The following GABRR1 variants were observed in gnomAD, a reference collection of about 807,000 sequenced individuals.
GABRR1 encodes gamma-aminobutyric acid type A receptor subunit rho1.
Under a neutral mutation model 55.5 loss-of-function variants are expected in GABRR1, and 59 were observed. The ratio of observed to expected loss-of-function variants is 1.06; its 90% confidence interval spans 0.86 to 1.32. GABRR1 has a LOEUF of 1.32. Among genes scored for constraint, GABRR1 ranks in the 40% most tolerant of loss-of-function variants. The probability of loss-of-function intolerance (pLI) is 0.00; values close to 1 mark genes in which losing one functional copy is unlikely to be tolerated. For synonymous variants in GABRR1, 213 were observed against 226.0 expected (o/e 0.94, Z 0.51); for missense variants, 602 against 619.1 (o/e 0.97, Z 0.29).
At chr6:89,185,560 G>T in intron 6 of GABRR1, 110 bp from the exon 7 acceptor site, 2 of 914,390 alleles carry the variant, frequency 2.2e-6, no homozygotes, top group Non-Finnish European at 3.4e-6. Flanking sequence ...CTGGGATTGT[G>T]ATATGATAGT....
At chr6:89,229,989 C>T (rs1330885473) in intron 1 of GABRR1, among the ~76,000 whole-genome samples, 1 of 97,600 alleles carries the variant, frequency 1.0e-5, no homozygotes, top group African/African-American at 4.1e-5. Context: ...TCTAAACTTC[C>T]CTTCTCGCTT....
intron 6 of GABRR1, among the ~76,000 whole-genome samples, 181 bp from the exon 7 acceptor site, chr6:89,185,631 A>G (rs1288138498): frequency 6.6e-6 from 1 of 152,194 alleles, no homozygotes; most frequent in Non-Finnish European, 1.5e-5. Flanking sequence ...AAATCTAATT[A>G]TCTCCACTCT....
intron 1 of GABRR1, among the ~76,000 whole-genome samples, chr6:89,204,999 A>G (rs1760595171): frequency 6.6e-6 from 1 of 152,168 alleles, no homozygotes; most frequent in Non-Finnish European, 1.5e-5. Flanking sequence ...ATTAATCTTG[A>G]AATGATGTAT....
chr6:89,205,085 T>C (rs1041536254), intron 1 of GABRR1, among the ~76,000 whole-genome samples: 1 of 152,186 alleles, frequency 6.6e-6, no homozygotes, highest in South Asian at 2.1e-4. Flanking sequence ...CTAACTCCTG[T>C]TGCATGTGTT....
Position 89,198,031 on chromosome 6 carries a change from G to C in GABRR1, c.561C>G (p.Leu187=), listed in dbSNP as rs996918024. The change falls in exon 5 of 10, where the codon CTC becomes CTG. Residue 187 remains leucine (L), a synonymous_variant. Coordinates refer to ENST00000454853, the MANE Select transcript of GABRR1 (RefSeq NM_002042.5). ...GCCTTTCTTCCTACCTGAGACTATA[G>C]AGCACTTTCCCATCAGGCTGGACCC... ...MLRVQPDGKV[L]YSLRVTVTAM... is the part of the protein sequence containing the mutation. The C allele has an allele frequency of 2.5e-6, 4 of 1,613,492 alleles. No homozygotes were observed. Among genetic ancestry groups the C allele is most frequent in the African/African-American group, 2.7e-5 (2 of 74,904 alleles).
At position 89,196,851 on chromosome 6, in the gene GABRR1, G is replaced by GAAAGAAAGAAAGAAAGAAA. The variant is rs1554190862; in HGVS notation, c.572+1150_572+1168dup. ...AGAAAGAAAGAAAGAAAGAAAGAAAGAAAGAAAGAAAGAAAGAAAGAAAGA... is the reference window on the plus strand; with the variant it reads ...AGAAAGAAAGAAAGAAAGAAAGAAAGAAAGAAAGAAAGAAAGAAAAAAGAAAGAAAGAAAGAAAGAAAGA... On this transcript the variant is annotated intron_variant, in intron 5 of 9. Transcript: ENST00000454853. 3.0e-3 allele frequency among the ~76,000 whole-genome samples: 402 copies of GAAAGAAAGAAAGAAAGAAA among 132,808 alleles called. 2 individuals are homozygous for GAAAGAAAGAAAGAAAGAAA. Among genetic ancestry groups the GAAAGAAAGAAAGAAAGAAA allele is most frequent in the African/African-American group, 0.011 (387 of 34,886 alleles). 87.1% of individuals were successfully genotyped at this position (132,808 alleles called of 152,430 possible). A position where few individuals can be genotyped will look rare whatever the true frequency, so the allele number is the denominator to read the frequency against.
At chr6:89,225,420 C>A (rs576275292) in intron 1 of GABRR1, among the ~76,000 whole-genome samples, 36 of 113,850 alleles carry the variant, frequency 3.2e-4, no homozygotes, top group Admixed American at 1.4e-3. Flanking sequence ...CCCCCTCCCC[C>A]CACCCCACCA....
chr6:89,204,686 G>A lies in GABRR1; in HGVS notation c.123-1201C>T, dbSNP rs762739594. The A allele has an allele frequency of 1.0e-5, 13 of 1,286,438 alleles. No homozygotes were observed. The South Asian group carries it at 1.5e-4, about 15-fold the overall frequency. The allele number at this position is 1,286,438 out of a possible 1,614,324, so 79.7% of individuals were successfully genotyped here. ...ATGCCACTGCCTTTGCCTTCATGAA[G>A]CCTCGATTCTAGCCAAGAGAAGACG... On this transcript the variant is annotated intron_variant, in intron 1 of 9. Transcript: ENST00000454853.
chr6:89,221,483 A>C (rs1165060274), upstream of GABRR1: 1 of 152,240 alleles, frequency 6.6e-6, no homozygotes, highest in Non-Finnish European at 1.5e-5. Flanking sequence ...AATTCAAAAA[A>C]CTAATGTAGT....
At chr6:89,204,700 C>T in intron 1 of GABRR1, 1 of 1,266,730 alleles carries the variant, frequency 7.9e-7, no homozygotes, top group Non-Finnish European at 1.0e-6. Context: ...CGATTCTAGC[C>T]AAGAGAAGAC....
At position 89,178,736 on chromosome 6, in the gene GABRR1, C is replaced by T. The variant is rs757208275; in HGVS notation, c.*34G>A. 2 of 1,553,842 alleles carry T rather than the reference C, an allele frequency of 1.3e-6. No homozygotes were observed. Among genetic ancestry groups the T allele is most frequent in the Admixed American group, 3.3e-5 (2 of 59,714 alleles). On this transcript the variant is annotated 3_prime_UTR_variant, in exon 10 of 10. Coordinates refer to ENST00000454853, the MANE Select transcript of GABRR1 (RefSeq NM_002042.5). ...ATACAGTTATTTCTGTAGTGCATGC[C>T]ATGGAAATGTGAAATTTGTAGAATT...
intron 5 of GABRR1, among the ~76,000 whole-genome samples, chr6:89,192,564 CTTTTT>C (rs577439930): frequency 1.5e-5 from 2 of 130,382 alleles, no homozygotes; most frequent in Non-Finnish European, 3.2e-5. Flanking sequence ...TCTTCTTCTT[CTTTTT>C]TTTTTTTTTT....
chr6:89,182,041 G>T lies in GABRR1; in HGVS notation c.813C>A (p.Leu271=), dbSNP rs779636783. 2 of 1,614,002 alleles carry T rather than the reference G, an allele frequency of 1.2e-6. No individual in the cohort carries two copies. Among genetic ancestry groups the T allele is most frequent in the African/African-American group, 2.7e-5 (2 of 74,924 alleles). Residue 271 remains leucine, a synonymous_variant, in exon 8 of 10, where the codon CTC becomes CTA. Transcript: ENST00000454853. ...GGCGACGCAACGTGAAATTAATGTAGAGACGGTTGTACCAGCCTGGGGGAC... is the reference window on the plus strand; with the variant it reads ...GGCGACGCAACGTGAAATTAATGTATAGACGGTTGTACCAGCCTGGGGGAC... ...FYSSTGWYNR[L]YINFTLRRHI... is the part of the protein sequence containing the mutation.
At chr6:89,179,183 G>T in intron 9 of GABRR1, 120 bp from the exon 10 acceptor site, 3 of 1,003,302 alleles carry the variant, frequency 3.0e-6, no homozygotes, top group Non-Finnish European at 4.3e-6. Flanking sequence ...TTGGGAAGAG[G>T]GTAGGTATCC....
intron 5 of GABRR1, among the ~76,000 whole-genome samples, chr6:89,192,948 G>A (rs149268616): frequency 6.6e-6 from 1 of 152,184 alleles, no homozygotes; most frequent in Non-Finnish European, 1.5e-5. Context: ...AATCTACCAA[G>A]CATAATAGAG....
At chr6:89,183,272 T>C (rs1771787275) in intron 7 of GABRR1, among the ~76,000 whole-genome samples, 2 of 152,242 alleles carry the variant, frequency 1.3e-5, no homozygotes, top group East Asian at 1.9e-4. Flanking sequence ...GTCATTATAA[T>C]GCATGGGACA....
intron 1 of GABRR1, among the ~76,000 whole-genome samples, chr6:89,215,997 C>A (rs1445990707): frequency 5.3e-5 from 8 of 152,166 alleles, no homozygotes; most frequent in Non-Finnish European, 1.2e-4. Context: ...ACATTTGGAT[C>A]AAATAATCTC....
intron 1 of GABRR1, among the ~76,000 whole-genome samples, chr6:89,205,120 C>T (rs7752149): frequency 0.67 from 102,151 of 152,036 alleles, 34,620 homozygotes; most frequent in East Asian, 0.92. Flanking sequence ...CTCAAAACAA[C>T]CCTATGAAGT....
chr6:89,218,141 C>G (rs2127809980), upstream of GABRR1, among the ~76,000 whole-genome samples: 1 of 152,260 alleles, frequency 6.6e-6, no homozygotes, highest in South Asian at 2.1e-4. Context: ...AAGACAGTCT[C>G]AGAGCCTCGT....
Sources: allele counts gnomAD v4.1 joint callset (sites outside exome capture counted in the v4.1 genomes callset), GRCh38; gene constraint gnomAD v4.1.1; transcripts MANE v1.5; gene names NCBI Gene and HGNC (gene_info 2026-07-23, HGNC 2026-07-21).